POTEB3: variants seen among roughly 807,000 people sequenced by gnomAD.
POTEB3 encodes the protein POTE ankyrin domain family member B3.
POTEB3 carries 5 observed loss-of-function variants against 39.8 expected under a neutral mutation model. The ratio of observed to expected loss-of-function variants is 0.13; its 90% confidence interval spans 0.07 to 0.26. The LOEUF is 0.26. POTEB3 is among the 10% of genes least tolerant of loss of function. The pLI, the probability that POTEB3 is intolerant of heterozygous loss-of-function variation, is 1.00. For missense variants in POTEB3, 24 were observed against 475.6 expected, an observed-to-expected ratio of 0.05 and a Z score of 8.83; for synonymous variants, 5 against 161.5, an observed-to-expected ratio of 0.03 and a Z score of 7.35.
chr15:21,411,037 G>C, intron 9 of POTEB3, 36 bp from the exon 10 acceptor site: 2 of 1,066,880 alleles, frequency 1.9e-6, no homozygotes, highest in Non-Finnish European at 2.5e-6. Flanking sequence ...AATACTGGAG[G>C]TGTCCCTAAA....
Position 21,440,446 on chromosome 15 carries a change from A to G in POTEB3, c.-435T>C. 2 of 238,900 alleles carry G rather than the reference A, an allele frequency of 8.4e-6. No homozygotes were observed. The highest frequency in any genetic ancestry group is 7.5e-6 in the Non-Finnish European group (1 of 132,460). 14.8% of individuals were successfully genotyped at this position (238,900 alleles called of 1,614,324 possible). The stretch of plus-strand genomic sequence containing the variant: ...GAACGCGAAGCGAAGTGTACCCGTT[A>G]CAGGTAAGCCAAGCCGTTATGCGCG... On this transcript the variant is annotated 5_prime_UTR_variant, in exon 1 of 11. Transcript: ENST00000611217.
chr15:21,413,798 G>A (rs1468283626), intron 9 of POTEB3, among the ~76,000 whole-genome samples: 5 of 47,266 alleles, frequency 1.1e-4, no homozygotes, highest in Non-Finnish European at 1.7e-4. Context: ...GGAGGAAACC[G>A]ACCCCATGAT....
intron 3 of POTEB3, among the ~76,000 whole-genome samples, chr15:21,434,275 T>TTAC: frequency 7.6e-6 from 1 of 131,882 alleles, no homozygotes; most frequent in African/African-American, 3.1e-5. Flanking sequence ...AGTAGCAGGA[T>TTAC]TACTATTCAC....
chr15:21,426,238 T>C (rs1165592057), intron 6 of POTEB3: 1 of 446,816 alleles, frequency 2.2e-6, no homozygotes, highest in African/African-American at 2.0e-5. Context: ...ATTATTCTTC[T>C]GCTTCTTTAC....
intron 3 of POTEB3, among the ~76,000 whole-genome samples, chr15:21,433,806 T>C (rs1899072679): frequency 6.6e-6 from 1 of 151,306 alleles, no homozygotes. Flanking sequence ...CAGAATAGGA[T>C]ACTAAGTTGG....
In POTEB3 at chr15:21,433,507, C is replaced by T. The variant is rs1371020768; in HGVS notation, c.810+1154G>A. 1.2e-3 allele frequency among the ~76,000 whole-genome samples: 176 copies of T among 150,526 alleles called. No individual in the cohort carries two copies. The East Asian group carries it at 0.024, about 21-fold the overall frequency. On this transcript the variant is annotated intron_variant, in intron 3 of 10. Transcript: ENST00000611217. Reference sequence around the variant, plus strand: ...AAATTTTCCTGAGGTAACTGGAATGCACAACTCTAGCTGGAAGCTAGTGCA... The same window carrying T: ...AAATTTTCCTGAGGTAACTGGAATGTACAACTCTAGCTGGAAGCTAGTGCA...
chr15:21,413,958 C>G (rs1211441824), intron 9 of POTEB3, among the ~76,000 whole-genome samples: 3 of 77,858 alleles, frequency 3.9e-5, no homozygotes, highest in Non-Finnish European at 6.8e-5. Flanking sequence ...TCAAAAATAG[C>G]AATTTTTATT....
intron 5 of POTEB3, chr15:21,429,031 C>T (rs1898845159): frequency 6.7e-6 from 1 of 150,220 alleles, no homozygotes. Context: ...ATGGGCAAGG[C>T]TTGGCTCTTG....
In POTEB3 at chr15:21,411,032, T is replaced by C; in HGVS notation, c.1410-31A>G. ...AGAAATTTTAATTTTCATGAAATAC[T>C]GGAGGTGTCCCTAAAATGATCTACA... On this transcript the variant is annotated intron_variant, in intron 9 of 10. Transcript: ENST00000611217. 8.4e-6 allele frequency: 9 copies of C among 1,068,146 alleles called. 3 individuals carry two copies. The highest frequency in any genetic ancestry group is 4.0e-5 in the East Asian group (1 of 24,874). 66.2% of individuals were successfully genotyped at this position (1,068,146 alleles called of 1,614,324 possible). A position where few individuals can be genotyped will look rare whatever the true frequency, so the allele number is the denominator to read the frequency against.
At chr15:21,434,177 C>T (rs1899098445) in intron 3 of POTEB3, among the ~76,000 whole-genome samples, 1 of 141,082 alleles carries the variant, frequency 7.1e-6, no homozygotes, top group Non-Finnish European at 1.5e-5. Context: ...TCCAATTCTG[C>T]CTCATGAGCA....
intron 9 of POTEB3, among the ~76,000 whole-genome samples, chr15:21,414,318 T>A (rs60633500): frequency 3.7e-3 from 436 of 119,140 alleles, no homozygotes; most frequent in African/African-American, 0.02. Context: ...ATATGTATTT[T>A]AAAAAAGGAA....
intron 3 of POTEB3, among the ~76,000 whole-genome samples, chr15:21,433,308 G>C (rs1353699648): frequency 6.6e-6 from 1 of 150,630 alleles, no homozygotes; most frequent in Non-Finnish European, 1.5e-5. Flanking sequence ...GGCTAGAGTA[G>C]AACTCCTAAG....
chr15:21,422,911 C>T (rs1381835628), intron 6 of POTEB3, among the ~76,000 whole-genome samples: 14 of 146,056 alleles, frequency 9.6e-5, no homozygotes, highest in East Asian at 2.1e-4. Flanking sequence ...GATGCAAATC[C>T]GCTGAGCTGG....
In POTEB3 at chr15:21,422,265, GATT is replaced by G; in HGVS notation, c.1127-78_1127-76del. On this transcript the variant is annotated intron_variant, in intron 6 of 10. Transcript: ENST00000611217. The stretch of plus-strand genomic sequence containing the variant: ...AAAAACTATTGCCTTTATAAAAATA[GATT>G]GAAGACAACATTTTATTTTATTTCA... The G allele has an allele frequency of 2.0e-6, 3 of 1,513,786 alleles. No individual in the cohort carries two copies. In the South Asian group the frequency reaches 3.6e-5, roughly 18 times the overall value. The allele number at this position is 1,513,786 out of a possible 1,614,324, so 93.8% of individuals were successfully genotyped here. A position where few individuals can be genotyped will look rare whatever the true frequency, so the allele number is the denominator to read the frequency against.
intron 6 of POTEB3, chr15:21,425,339 T>C (rs1236649001): frequency 8.2e-6 from 1 of 121,372 alleles, no homozygotes; most frequent in Non-Finnish European, 1.7e-5. Context: ...AGAGACCACA[T>C]AGTCTAAAAT....
chr15:21,434,128 A>AT (rs1386267036), intron 3 of POTEB3, among the ~76,000 whole-genome samples: 4 of 143,032 alleles, frequency 2.8e-5, no homozygotes, highest in Non-Finnish European at 4.6e-5. Flanking sequence ...CTAATTTCCA[A>AT]GTTGGCCTTG....
At position 21,407,499 on chromosome 15, in the gene POTEB3, G is replaced by T; in HGVS notation, c.*1484C>A. On this transcript the variant is annotated 3_prime_UTR_variant, in exon 11 of 11. Transcript: ENST00000611217. ...GAGGTAATGTGCAGGCTGGTACGTG[G>T]CTGTAGAGGTCACCTTGCTGCAGCT... is the stretch of plus-strand genomic sequence containing the variant. Among the ~76,000 whole-genome samples, 1 of 88,230 alleles carries T rather than the reference G, an allele frequency of 1.1e-5. No homozygotes were observed. The highest frequency in any genetic ancestry group is 2.9e-4 in the East Asian group (1 of 3,394). The allele number at this position is 88,230 out of a possible 152,430, so 57.9% of individuals were successfully genotyped here.
intron 3 of POTEB3, among the ~76,000 whole-genome samples, chr15:21,433,561 A>G (rs1287816894): frequency 1.3e-5 from 2 of 150,778 alleles, no homozygotes; most frequent in Admixed American, 6.6e-5. Flanking sequence ...CTCATCTCTC[A>G]TCACATAAAC....
intron 9 of POTEB3, among the ~76,000 whole-genome samples, chr15:21,413,753 G>T (rs1327133172): frequency 3.4e-5 from 1 of 29,550 alleles, no homozygotes; most frequent in Non-Finnish European, 5.1e-5. Context: ...AGAATTATCT[G>T]CTCTTGTGAG....
Sources: allele counts gnomAD v4.1 joint callset (sites outside exome capture counted in the v4.1 genomes callset), GRCh38; gene constraint gnomAD v4.1.1; transcripts MANE v1.5; gene names NCBI Gene and HGNC (gene_info 2026-07-23, HGNC 2026-07-21).